Variants in LRRC9 observed in about 807,000 individuals in gnomAD.
The protein encoded by LRRC9 is leucine-rich repeat-containing protein 9.
Under a neutral mutation model 63.2 loss-of-function variants are expected in LRRC9, and 122 were observed. The observed-to-expected ratio is 1.93, with a 90% CI of 1.67 to 2.24. The LOEUF is 2.24. Among genes scored for constraint, LRRC9 ranks in the 30% most tolerant of loss-of-function variants. The probability of loss-of-function intolerance (pLI) is 0.00; values close to 1 mark genes in which losing one functional copy is unlikely to be tolerated. For synonymous variants in LRRC9, 366 were observed against 213.1 expected (o/e 1.72, Z -6.25); for missense variants, 1,071 against 627.7 (o/e 1.71, Z -7.55).
At position 59,923,211 on chromosome 14, in the gene LRRC9, T is replaced by C. The variant is rs966897598; in HGVS notation, c.-34+3328T>C. The stretch of plus-strand genomic sequence containing the variant: ...TAAGTACCAGGAAGGCCTAGCATCC[T>C]TGTGATTCAGAAATAGTTATACAAC... On this transcript the variant is annotated intron_variant, in intron 1 of 31. Transcript: ENST00000445360. The surrounding 1 kb of genome is among the most constrained non-coding windows in gnomAD (Gnocchi z 4.2). Among the ~76,000 whole-genome samples the C allele has an allele frequency of 2.6e-5, 4 of 152,236 alleles. No individual in the cohort carries two copies. The highest frequency in any genetic ancestry group is 6.5e-5 in the Admixed American group (1 of 15,290).
intron 7 of LRRC9, among the ~76,000 whole-genome samples, chr14:59,943,547 T>A (rs955234090): frequency 6.6e-6 from 1 of 152,150 alleles, no homozygotes; most frequent in Admixed American, 6.5e-5. Context: ...CTTCAGAAAT[T>A]AAGCTTTTCT....
intron 17 of LRRC9, among the ~76,000 whole-genome samples, chr14:59,988,894 C>T (rs1175271753): frequency 6.6e-6 from 1 of 152,110 alleles, no homozygotes; most frequent in Non-Finnish European, 1.5e-5. Flanking sequence ...GTCCTTTATA[C>T]TTGAAAGGTG....
rs1236274590 is a variant in LRRC9, at chr14:59,922,894, G to C, written c.-34+3011G>C. Among the ~76,000 whole-genome samples the C allele has an allele frequency of 6.6e-6, 1 of 152,224 alleles. No individual in the cohort carries two copies. ...AAGTTAGAGGCAATGCATTTGTAGTGACTTCAGCTCCATGCTGGTTAGGTG... is the reference window on the plus strand; with the variant it reads ...AAGTTAGAGGCAATGCATTTGTAGTCACTTCAGCTCCATGCTGGTTAGGTG... On this transcript the variant is annotated intron_variant, in intron 1 of 31. Coordinates refer to ENST00000445360, the Ensembl canonical transcript of LRRC9. The surrounding 1 kb of genome is among the most constrained non-coding windows in gnomAD (Gnocchi z 5.3).
chr14:60,049,270 G>A (rs1370537756), intron 29 of LRRC9, among the ~76,000 whole-genome samples: 1 of 152,098 alleles, frequency 6.6e-6, no homozygotes, highest in East Asian at 1.9e-4. Flanking sequence ...GGTTAGTATT[G>A]TTATGTGTGA....
chr14:59,937,891 C>A (rs1224684798), intron 6 of LRRC9, among the ~76,000 whole-genome samples: 1 of 151,310 alleles, frequency 6.6e-6, no homozygotes, highest in Non-Finnish European at 1.5e-5. Flanking sequence ...ACAAAACAAA[C>A]AAAAAAAACA....
At position 60,042,081 on chromosome 14, in the gene LRRC9, A is replaced by C. The variant is rs219419; in HGVS notation, c.3990+10018A>C. 0.74 allele frequency among the ~76,000 whole-genome samples: 112,014 copies of C among 152,082 alleles called. 43,746 individuals carry two copies. The highest frequency in any genetic ancestry group is 0.87 in the Non-Finnish European group (59,023 of 68,000). On this transcript the variant is annotated intron_variant, in intron 29 of 31. Coordinates refer to ENST00000445360, the Ensembl canonical transcript of LRRC9. The surrounding 1 kb of genome is among the most constrained non-coding windows in gnomAD (Gnocchi z 4.2). ...AGAACAGCAAAGATTGCAGAACGGC[A>C]AATGTTGCTGCTTGATCCTTCCTCT...
At chr14:59,976,519 C>A (rs906637745) in intron 13 of LRRC9, among the ~76,000 whole-genome samples, 33 of 152,118 alleles carry the variant, frequency 2.2e-4, no homozygotes, top group Admixed American at 1.8e-3. Context: ...TAAAATTAAG[C>A]AGGTTATTGA....
rs1889592446 is a variant in LRRC9, at chr14:59,930,348, A to C, written c.268-570A>C. 6.6e-6 allele frequency among the ~76,000 whole-genome samples: 1 copy of C among 152,034 alleles called. No homozygotes were observed. The highest frequency in any genetic ancestry group is 2.4e-5 in the African/African-American group (1 of 41,426). On this transcript the variant is annotated intron_variant, in intron 3 of 31. Transcript: ENST00000445360. The surrounding 1 kb of genome is among the most constrained non-coding windows in gnomAD (Gnocchi z 4.9). ...GATTTTATCCTAGAAAAGTTAACTC[A>C]ATAGCAGAAAACAACCATATGCACG...
chr14:59,972,557 G>C (rs1885641416), intron 12 of LRRC9, among the ~76,000 whole-genome samples: 1 of 151,952 alleles, frequency 6.6e-6, no homozygotes, highest in Non-Finnish European at 1.5e-5. Flanking sequence ...TAGTTTGTCT[G>C]ATTCCCCCCA....
In LRRC9 at chr14:60,057,909, G is replaced by A; in HGVS notation, c.4163G>A (p.Gly1388Asp). 3 of 688,834 alleles carry A rather than the reference G, an allele frequency of 4.4e-6. No individual in the cohort carries two copies. The East Asian group carries it at 8.1e-5, about 19-fold the overall frequency. 42.7% of individuals were successfully genotyped at this position (688,834 alleles called of 1,614,324 possible). Residue 1388 changes from glycine (G) to aspartate (D), a missense_variant, in exon 31 of 32, where the codon GGC becomes GAC. Coordinates refer to ENST00000445360, the Ensembl canonical transcript of LRRC9. ...CCTGTTACCCACTCTCCTATGGATG[G>A]CAGATCATTTGGCCAAGTGAAAACT...
Position 60,063,003 on chromosome 14 carries a change from T to C in LRRC9, c.4277-320T>C, listed in dbSNP as rs535197641. Among the ~76,000 whole-genome samples the C allele has an allele frequency of 7.9e-5, 12 of 152,110 alleles. No homozygotes were observed. In the East Asian group the frequency reaches 1.6e-3, roughly 20 times the overall value. On this transcript the variant is annotated intron_variant, in intron 31 of 31. Coordinates refer to ENST00000445360, the Ensembl canonical transcript of LRRC9. ...ACCTCTTGGGTTCAAGCAATTCTCC[T>C]GCCTCAGCCTCTCGAGTAGCTGGGA... is the stretch of plus-strand genomic sequence containing the variant.
intron 9 of LRRC9, among the ~76,000 whole-genome samples, chr14:59,960,331 A>G (rs1201748822): frequency 1.3e-5 from 2 of 152,176 alleles, no homozygotes; most frequent in African/African-American, 4.8e-5. Flanking sequence ...AACTCACCAA[A>G]TAGATGAGAC....
chr14:59,987,818 G>A, intron 17 of LRRC9, among the ~76,000 whole-genome samples: 1 of 152,022 alleles, frequency 6.6e-6, no homozygotes, highest in Non-Finnish European at 1.5e-5. Flanking sequence ...TTATTATTTG[G>A]AATACTTTTA....
At position 59,958,858 on chromosome 14, in the gene LRRC9, G is replaced by A. The variant is rs1457791016; in HGVS notation, c.883-960G>A. On this transcript the variant is annotated intron_variant, in intron 8 of 31. Coordinates refer to ENST00000445360, the Ensembl canonical transcript of LRRC9. The surrounding 1 kb of genome is among the most constrained non-coding windows in gnomAD (Gnocchi z 4.0). ...GTCCCTCACAGCTTACCTTGGCTGG[G>A]GGAGGGAGGTCCCTGCTCCTTGCAC... Among the ~76,000 whole-genome samples the A allele has an allele frequency of 6.6e-6, 1 of 152,180 alleles. No individual in the cohort carries two copies. The highest frequency in any genetic ancestry group is 2.4e-5 in the African/African-American group (1 of 41,436).
chr14:60,038,408 T>G (rs1459088215), intron 29 of LRRC9, among the ~76,000 whole-genome samples: 2 of 152,202 alleles, frequency 1.3e-5, no homozygotes, highest in African/African-American at 4.8e-5. Context: ...GCATGGAATG[T>G]TCTTCCATTT....
intron 27 of LRRC9, among the ~76,000 whole-genome samples, chr14:60,023,574 G>T (rs2140297314): frequency 6.6e-6 from 1 of 152,076 alleles, no homozygotes; most frequent in South Asian, 2.1e-4. Context: ...TGATTAATTT[G>T]ATAAATAATC....
At chr14:60,029,323 G>A (rs765600599) in intron 28 of LRRC9, among the ~76,000 whole-genome samples, 5 of 151,960 alleles carry the variant, frequency 3.3e-5, no homozygotes, top group South Asian at 2.1e-4. Flanking sequence ...CATCACACAC[G>A]CCATCGAGCT....
intron 10 of LRRC9, among the ~76,000 whole-genome samples, chr14:59,961,927 A>G (rs1045717131): frequency 6.6e-6 from 1 of 152,222 alleles, no homozygotes; most frequent in Non-Finnish European, 1.5e-5. Context: ...ATGTCAAACT[A>G]TAGAATGGAC....
At chr14:59,977,849 C>T (rs111515345) in intron 14 of LRRC9, among the ~76,000 whole-genome samples, 168 bp from the exon 15 acceptor site, 4 of 151,716 alleles carry the variant, frequency 2.6e-5, no homozygotes, top group South Asian at 2.1e-4. Flanking sequence ...ATATAACTGT[C>T]GCAACTTACT....
Sources: gnomAD v4.1 joint callset for allele counts (sites outside exome capture counted in the v4.1 genomes callset) on GRCh38, gnomAD v4.1.1 for gene constraint, Gnocchi (gnomAD v3.1) non-coding constraint, MANE v1.5 for transcripts, NCBI Gene and HGNC (gene_info 2026-07-23, HGNC 2026-07-21) for gene names.